The following PTPRN2 variants were observed in gnomAD, a reference collection of about 807,000 sequenced individuals.
PTPRN2 encodes receptor-type tyrosine-protein phosphatase N2.
Under a neutral mutation model 118.8 loss-of-function variants are expected in PTPRN2, and 74 were observed. The ratio of observed to expected loss-of-function variants is 0.62; its 90% CI spans 0.52 to 0.76. The LOEUF (loss-of-function observed/expected upper bound fraction) is 0.76. PTPRN2 is among the 30% of genes least tolerant of loss of function. The pLI is 0.00. For synonymous variants in PTPRN2, 641 were observed against 608.0 expected (o/e 1.05, Z -0.80); for missense variants, 1,481 against 1,394.4 (o/e 1.06, Z -0.99).
At position 158,330,949 on chromosome 7, in the gene PTPRN2, C is replaced by G. The variant is rs1475559227; in HGVS notation, c.164-14017G>C. Among the ~76,000 whole-genome samples, 2 of 111,534 alleles carry G rather than the reference C, an allele frequency of 1.8e-5. 1 individual carries two copies. Among genetic ancestry groups the G allele is most frequent in the Non-Finnish European group, 3.7e-5 (2 of 54,186 alleles). The allele number at this position is 111,534 out of a possible 152,430, so 73.2% of individuals were successfully genotyped here. On this transcript the variant is annotated intron_variant, in intron 2 of 22. Transcript: ENST00000389418. ...CACACCCACACTCTCACGATAAGAG[C>G]TGTCACACGCAGACGACACTCACAC... is the stretch of plus-strand genomic sequence containing the variant.
At chr7:157,652,381 G>A (rs186650640) in intron 14 of PTPRN2, among the ~76,000 whole-genome samples, 87 of 152,368 alleles carry the variant, frequency 5.7e-4, no homozygotes, top group Admixed American at 9.1e-4. Context: ...CATCAAGCCC[G>A]TCTCACAGGG....
At chr7:158,202,877 CAG>C (rs1280453172) in intron 4 of PTPRN2, among the ~76,000 whole-genome samples, 1 of 152,012 alleles carries the variant, frequency 6.6e-6, no homozygotes, top group Non-Finnish European at 1.5e-5. Flanking sequence ...AAGAAACAAA[CAG>C]AAAAATACAA....
intron 1 of PTPRN2, among the ~76,000 whole-genome samples, chr7:158,503,363 C>T (rs1216913081): frequency 6.6e-6 from 1 of 152,212 alleles, no homozygotes; most frequent in African/African-American, 2.4e-5. Flanking sequence ...AGCTGTGTAC[C>T]ATGTGCAGGT....
chr7:158,536,294 T>G (rs1010120211), intron 1 of PTPRN2, among the ~76,000 whole-genome samples: 2 of 152,240 alleles, frequency 1.3e-5, no homozygotes, highest in Non-Finnish European at 2.9e-5. Context: ...AAACTTTGCC[T>G]GGTTTCATAA....
chr7:158,182,923 A>G (rs947533340), intron 5 of PTPRN2, among the ~76,000 whole-genome samples: 1 of 152,232 alleles, frequency 6.6e-6, no homozygotes, highest in Admixed American at 6.5e-5. Flanking sequence ...GTTGCTGCCT[A>G]TCTCACTTCT....
At chr7:157,595,400 A>C in intron 16 of PTPRN2, 85 bp from the exon 17 acceptor site, 1 of 1,252,946 alleles carries the variant, frequency 8.0e-7, no homozygotes. Flanking sequence ...AGGAAGCCAG[A>C]AGGTTAGGAA....
intron 6 of PTPRN2, among the ~76,000 whole-genome samples, chr7:158,162,946 C>T (rs1422159215): frequency 6.6e-6 from 1 of 152,176 alleles, no homozygotes; most frequent in Non-Finnish European, 1.5e-5. Flanking sequence ...GTTCTCTGAC[C>T]TGTAAAGAAG....
At chr7:157,564,193 G>A (rs1463509825) in intron 21 of PTPRN2, among the ~76,000 whole-genome samples, 5 of 152,212 alleles carry the variant, frequency 3.3e-5, no homozygotes, top group Non-Finnish European at 5.9e-5. Flanking sequence ...GCGCAATGGT[G>A]CGATCTCAGG....
At chr7:158,340,611 A>T (rs1179371931) in intron 2 of PTPRN2, among the ~76,000 whole-genome samples, 1 of 113,196 alleles carries the variant, frequency 8.8e-6, no homozygotes, top group Non-Finnish European at 2.0e-5. Context: ...TCACACCCAC[A>T]CACGTCACTC....
rs1461072392 is a variant in PTPRN2, at chr7:158,280,407, G to A, written c.277+36412C>T. Among the ~76,000 whole-genome samples the A allele has an allele frequency of 5.9e-5, 9 of 152,344 alleles. 1 individual carries two copies. The highest frequency in any genetic ancestry group is 4.6e-4 in the Admixed American group (7 of 15,306). The stretch of plus-strand genomic sequence containing the variant: ...GACACCGGCAGGGAGGGACAGCGAC[G>A]AGGGCAGGAGCCGCGGCTCTACCTG... On this transcript the variant is annotated intron_variant, in intron 3 of 22. Coordinates refer to ENST00000389418, the MANE Select transcript of PTPRN2 (RefSeq NM_002847.5).
chr7:158,074,246 C>G (rs1162013357), intron 11 of PTPRN2, among the ~76,000 whole-genome samples: 1 of 152,198 alleles, frequency 6.6e-6, no homozygotes, highest in Admixed American at 6.5e-5. Flanking sequence ...CCGACTGCAC[C>G]AGCATCACAG....
chr7:158,511,174 C>T (rs1823153858), intron 1 of PTPRN2, among the ~76,000 whole-genome samples: 1 of 152,188 alleles, frequency 6.6e-6, no homozygotes. Flanking sequence ...TCCGTGTCTA[C>T]CCTTCATGCT....
chr7:157,745,152 CAG>C lies in PTPRN2; in HGVS notation c.1789-62217_1789-62216del, dbSNP rs1800847032. Among the ~76,000 whole-genome samples, 3 of 152,282 alleles carry C rather than the reference CAG, an allele frequency of 2.0e-5. No individual in the cohort carries two copies. The South Asian group carries it at 6.2e-4, about 32-fold the overall frequency. On this transcript the variant is annotated intron_variant, in intron 12 of 22. Coordinates refer to ENST00000389418, the MANE Select transcript of PTPRN2 (RefSeq NM_002847.5). The stretch of plus-strand genomic sequence containing the variant: ...CAGGAGTGGCCACCCCAGCATTTCT[CAG>C]GGGAAGAAATGAGGATGAAAGAGGT...
At position 158,149,897 on chromosome 7, in the gene PTPRN2, A is replaced by C. The variant is rs182227022; in HGVS notation, c.911-11382T>G. Among the ~76,000 whole-genome samples the C allele has an allele frequency of 2.8e-3, 425 of 152,264 alleles. 16 individuals are homozygous for C. The highest frequency in any genetic ancestry group is 0.026 in the Admixed American group (390 of 15,290). ...GGGATCTAAGTTATGCTGAACAAAA[A>C]GTGGCAAGAATATATTTTAAATTTA... On this transcript the variant is annotated intron_variant, in intron 6 of 22. Coordinates refer to ENST00000389418, the MANE Select transcript of PTPRN2 (RefSeq NM_002847.5).
At chr7:158,469,257 C>T (rs1360885705) in intron 2 of PTPRN2, among the ~76,000 whole-genome samples, 1 of 152,182 alleles carries the variant, frequency 6.6e-6, no homozygotes, top group Non-Finnish European at 1.5e-5. Flanking sequence ...GCCTGGCCAA[C>T]ATGGTGAAAT....
intron 1 of PTPRN2, among the ~76,000 whole-genome samples, chr7:158,514,555 TGGCG>T (rs1349732349): frequency 6.6e-6 from 1 of 152,198 alleles, no homozygotes; most frequent in Non-Finnish European, 1.5e-5. Flanking sequence ...CCCCAGGTGA[TGGCG>T]ATGCCTCCCA....
At chr7:158,095,110 A>G (rs1814528201) in intron 10 of PTPRN2, among the ~76,000 whole-genome samples, 1 of 152,006 alleles carries the variant, frequency 6.6e-6, no homozygotes, top group South Asian at 2.1e-4. Flanking sequence ...CCTTTCCTGC[A>G]GGAGGTGAGT....
intron 21 of PTPRN2, among the ~76,000 whole-genome samples, chr7:157,551,503 C>T (rs1166400523): frequency 6.6e-6 from 1 of 151,500 alleles, no homozygotes; most frequent in African/African-American, 2.4e-5. Flanking sequence ...AGCCAGCATG[C>T]ACCCCACACA....
chr7:158,096,709 G>A (rs578145237), intron 10 of PTPRN2, among the ~76,000 whole-genome samples: 1 of 152,338 alleles, frequency 6.6e-6, no homozygotes, highest in South Asian at 2.1e-4. Context: ...GCTCCGTTTG[G>A]GAAGGAGAGT....
Sources: gnomAD v4.1 joint callset for allele counts (sites outside exome capture counted in the v4.1 genomes callset) on GRCh38, gnomAD v4.1.1 for gene constraint, MANE v1.5 for transcripts, NCBI Gene and HGNC (gene_info 2026-07-23, HGNC 2026-07-21) for gene names.